TOP6BL: variants seen among roughly 807,000 people sequenced by gnomAD.
TOP6BL encodes the protein TOP6B like initiator of meiotic double strand breaks.
chr11:66,744,842 G>GCGGCGT, the TOP6BL span: 2 of 1,330,632 alleles, frequency 1.5e-6, no homozygotes, highest in South Asian at 2.3e-5. Flanking sequence ...GGCGGCGGCG[G>GCGGCGT]CGGGCGGGTA....
the TOP6BL span, chr11:66,762,500 C>T: frequency 0.014 from 3,593 of 247,824 alleles, 148 homozygotes; most frequent in East Asian, 0.14. Flanking sequence ...GACGGAGTCT[C>T]GCTCTGTCGC....
chr11:66,792,389 C>T, the TOP6BL span, among the ~76,000 whole-genome samples: 1 of 152,100 alleles, frequency 6.6e-6, no homozygotes, highest in Non-Finnish European at 1.5e-5. Context: ...CATAATAAGC[C>T]ACATTAATAT....
chr11:66,768,592 A>AT, the TOP6BL span, among the ~76,000 whole-genome samples: 1 of 151,818 alleles, frequency 6.6e-6, no homozygotes, highest in African/African-American at 2.4e-5. Flanking sequence ...TTGTTGCCAA[A>AT]TTTACCTAAC....
At chr11:66,832,563 T>G in the TOP6BL span, among the ~76,000 whole-genome samples, 2 of 152,206 alleles carry the variant, frequency 1.3e-5, no homozygotes, top group Non-Finnish European at 2.9e-5. Context: ...TCAGTGTGAT[T>G]AGAGAGGCAC....
the TOP6BL span, chr11:66,788,192 A>G: frequency 3.1e-6 from 5 of 1,613,904 alleles, no homozygotes; most frequent in Non-Finnish European, 4.2e-6. Context: ...AATCTCTGCA[A>G]AGCTGACTTG....
chr11:66,751,122 C>G, the TOP6BL span, among the ~76,000 whole-genome samples: 2 of 151,930 alleles, frequency 1.3e-5, no homozygotes, highest in Non-Finnish European at 2.9e-5. Flanking sequence ...CTCAGGTGAT[C>G]CTCCCACCTC....
chr11:66,822,082 G>A, the TOP6BL span, among the ~76,000 whole-genome samples: 2 of 152,206 alleles, frequency 1.3e-5, no homozygotes, highest in Admixed American at 1.3e-4. Context: ...GACTTCTGGA[G>A]CTGCTGTTTC....
chr11:66,800,813 A>G, the TOP6BL span: 6 of 1,029,016 alleles, frequency 5.8e-6, no homozygotes, highest in African/African-American at 8.1e-5. Flanking sequence ...AGTCACCTTG[A>G]AACTAATTTT....
the TOP6BL span, among the ~76,000 whole-genome samples, chr11:66,794,164 CCTT>C: frequency 6.9e-6 from 1 of 144,720 alleles, no homozygotes; most frequent in Non-Finnish European, 1.5e-5. Context: ...AATAGTTTAT[CCTT>C]CTATATTTGC....
the TOP6BL span, among the ~76,000 whole-genome samples, chr11:66,817,364 T>C: frequency 6.6e-6 from 1 of 152,078 alleles, no homozygotes; most frequent in Non-Finnish European, 1.5e-5. Context: ...TTATCTATGA[T>C]AGAGATAAAA....
At chr11:66,760,444 C>CT in the TOP6BL span, among the ~76,000 whole-genome samples, 23 of 139,490 alleles carry the variant, frequency 1.6e-4, no homozygotes, top group Non-Finnish European at 3.6e-4. Context: ...GTGAGAGACT[C>CT]TGTCTCAAAA....
the TOP6BL span, among the ~76,000 whole-genome samples, chr11:66,756,995 A>C: frequency 1.5e-5 from 2 of 135,136 alleles, no homozygotes; most frequent in African/African-American, 5.5e-5. Context: ...ACAGGTGTGA[A>C]CCACCATGCC....
At chr11:66,843,476 T>C in the TOP6BL span, 4 of 1,444,398 alleles carry the variant, frequency 2.8e-6, no homozygotes, top group Admixed American at 3.1e-5. Context: ...TGGGCGGGGA[T>C]GGGCTGCGAC....
At chr11:66,760,994 CTTT>C in the TOP6BL span, among the ~76,000 whole-genome samples, 7 of 137,298 alleles carry the variant, frequency 5.1e-5, no homozygotes, top group Admixed American at 7.3e-5. Context: ...CTTAAAGCAC[CTTT>C]TTTTTTTTTT....
the TOP6BL span, chr11:66,788,215 A>C: frequency 3.7e-6 from 6 of 1,613,964 alleles, no homozygotes; most frequent in Non-Finnish European, 5.1e-6. Flanking sequence ...CTTCAGAGGA[A>C]GGCAGCTATT....
chr11:66,766,136 CTGT>C, the TOP6BL span, among the ~76,000 whole-genome samples: 1 of 152,126 alleles, frequency 6.6e-6, no homozygotes, highest in Non-Finnish European at 1.5e-5. Flanking sequence ...CAGTTTAACT[CTGT>C]TGTTTTCTTC....
chr11:66,751,420 CTT>C, the TOP6BL span, among the ~76,000 whole-genome samples: 1 of 151,520 alleles, frequency 6.6e-6, no homozygotes, highest in Non-Finnish European at 1.5e-5. Context: ...GTCTCGATCT[CTT>C]GACCTCGTGA....
the TOP6BL span, chr11:66,838,324 C>T: frequency 6.4e-7 from 1 of 1,568,568 alleles, no homozygotes; most frequent in Non-Finnish European, 8.8e-7. Context: ...AGGGCTCGTT[C>T]ATGTTTCTAC....
the TOP6BL span, among the ~76,000 whole-genome samples, chr11:66,746,501 G>A: frequency 6.6e-6 from 1 of 152,158 alleles, no homozygotes; most frequent in Admixed American, 6.5e-5. Flanking sequence ...GATCACCTGA[G>A]GTCGGGAGTT....
Sources: gnomAD v4.1 joint callset for allele counts (sites outside exome capture counted in the v4.1 genomes callset) on GRCh38, gnomAD v4.1.1 for gene constraint, MANE v1.5 for transcripts, NCBI Gene and HGNC (gene_info 2026-07-23, HGNC 2026-07-21) for gene names.